WAC: variants seen among roughly 807,000 people sequenced by gnomAD.
WAC encodes the protein WW domain containing adaptor with coiled-coil.
A neutral mutation model predicts 79.6 loss-of-function variants in WAC; 11 were observed. The observed-to-expected ratio is 0.14, with a 90% CI of 0.09 to 0.23. The LOEUF (loss-of-function observed/expected upper bound fraction) is 0.23, where lower values mean the gene tolerates loss of function less well. Ranked by LOEUF, WAC falls within the 10% of genes least tolerant of loss-of-function variation. The pLI is 1.00. For synonymous variants in WAC, 304 were observed against 276.9 expected (o/e 1.10, Z -0.97); for missense variants, 728 against 773.5 (o/e 0.94, Z 0.70).
chr10:28,574,719 C>T (rs2132571628), intron 3 of WAC, among the ~76,000 whole-genome samples: 1 of 152,352 alleles, frequency 6.6e-6, no homozygotes, highest in Admixed American at 6.5e-5. Context: ...GCTAGGATTA[C>T]AGGTGTGAGC....
Position 28,567,578 on chromosome 10 carries a change from C to T in WAC, c.275-15821C>T, listed in dbSNP as rs374238614. ...GGATCCAGGCAAAGATGTAGGGTGG[C>T]GCAGGGCTCCCTTCTGACAATTCTC... On this transcript the variant is annotated intron_variant, in intron 3 of 13. Transcript: ENST00000354911. Among the ~76,000 whole-genome samples the T allele has an allele frequency of 3.9e-5, 6 of 152,140 alleles. No individual in the cohort carries two copies. The East Asian group carries it at 5.8e-4, about 15-fold the overall frequency.
intron 7 of WAC, among the ~76,000 whole-genome samples, chr10:28,598,213 C>T (rs1230695677): frequency 6.6e-6 from 1 of 152,140 alleles, no homozygotes. Flanking sequence ...TGATAAAGTC[C>T]ATGCTTAGAT....
intron 3 of WAC, among the ~76,000 whole-genome samples, chr10:28,579,133 ATC>A (rs2132601432): frequency 6.6e-6 from 1 of 150,912 alleles, no homozygotes; most frequent in South Asian, 2.1e-4. Context: ...AAACATTTTT[ATC>A]CCACTTACTC....
intron 6 of WAC, among the ~76,000 whole-genome samples, chr10:28,592,861 C>T (rs1397789684): frequency 6.6e-6 from 1 of 151,676 alleles, no homozygotes; most frequent in African/African-American, 2.4e-5. Flanking sequence ...TGTTTTTTAC[C>T]TGTTCTTTTA....
At chr10:28,598,420 C>A (rs1317341987) in intron 7 of WAC, among the ~76,000 whole-genome samples, 1 of 152,174 alleles carries the variant, frequency 6.6e-6, no homozygotes, top group Non-Finnish European at 1.5e-5. Flanking sequence ...ATCCAATACT[C>A]TTTTGTTACA....
intron 11 of WAC, 59 bp from the exon 12 acceptor site, chr10:28,616,114 G>T: frequency 7.3e-7 from 1 of 1,368,910 alleles, no homozygotes; most frequent in Non-Finnish European, 9.8e-7. Context: ...GCAGTTTCTA[G>T]GATAAGGATA....
chr10:28,568,444 G>A lies in WAC; in HGVS notation c.275-14955G>A, dbSNP rs111271328. Among the ~76,000 whole-genome samples, 536 of 152,134 alleles carry A rather than the reference G, an allele frequency of 3.5e-3. 4 individuals are homozygous for A. The highest frequency in any genetic ancestry group is 0.012 in the African/African-American group (498 of 41,478). The stretch of plus-strand genomic sequence containing the variant: ...CAGCCGGGCTGGTGTGCAGTGGCAC[G>A]GTCTTGGCTCGCTGCAACCTCCACC... On this transcript the variant is annotated intron_variant, in intron 3 of 13. Transcript: ENST00000354911.
At chr10:28,576,409 T>G (rs1839247375) in intron 3 of WAC, among the ~76,000 whole-genome samples, 1 of 152,206 alleles carries the variant, frequency 6.6e-6, no homozygotes, top group Non-Finnish European at 1.5e-5. Flanking sequence ...CAAAGGAATC[T>G]ACTTAATGTC....
At chr10:28,566,607 C>G (rs888223326) in intron 3 of WAC, among the ~76,000 whole-genome samples, 5 of 152,182 alleles carry the variant, frequency 3.3e-5, no homozygotes, top group South Asian at 2.1e-4. Flanking sequence ...TGCTTTTACT[C>G]ATGAATGACA....
chr10:28,568,037 C>G (rs1208294926), intron 3 of WAC, among the ~76,000 whole-genome samples: 3 of 152,222 alleles, frequency 2.0e-5, no homozygotes, highest in Non-Finnish European at 4.4e-5. Context: ...CTCGCCCGGC[C>G]TCAGTATGGA....
intron 3 of WAC, among the ~76,000 whole-genome samples, chr10:28,542,790 A>G (rs574986988): frequency 3.9e-5 from 6 of 152,364 alleles, no homozygotes; most frequent in Middle Eastern, 3.4e-3. Context: ...GAAAATACAC[A>G]TAAGTGGGAA....
intron 3 of WAC, among the ~76,000 whole-genome samples, chr10:28,554,820 C>T (rs1337811391): frequency 6.6e-6 from 1 of 152,148 alleles, no homozygotes; most frequent in Non-Finnish European, 1.5e-5. Context: ...AGAGTTCTGA[C>T]TTATCTTGGG....
rs546452821 is a variant in WAC, at chr10:28,604,936, T to C, written c.920-3250T>C. ...TCAGTGATAAAACTAAAACTACCTC[T>C]CAGAATAGCATTTTATGTTTGTATT... On this transcript the variant is annotated intron_variant, in intron 7 of 13. Coordinates refer to ENST00000354911, the MANE Select transcript of WAC (RefSeq NM_016628.5). Among the ~76,000 whole-genome samples, 7 of 152,314 alleles carry C rather than the reference T, an allele frequency of 4.6e-5. No homozygotes were observed. In the South Asian group the frequency reaches 1.4e-3, roughly 32 times the overall value.
chr10:28,618,486 AGT>A (rs1212466579), intron 13 of WAC, among the ~76,000 whole-genome samples: 6 of 152,180 alleles, frequency 3.9e-5, no homozygotes, highest in Non-Finnish European at 8.8e-5. Context: ...GTACTCTCTG[AGT>A]AACAACTTGG....
chr10:28,595,857 A>G lies in WAC; in HGVS notation c.735A>G (p.Pro245=). 6.2e-7 allele frequency: 1 copy of G among 1,614,170 alleles called. No homozygotes were observed. Among genetic ancestry groups the G allele is most frequent in the Non-Finnish European group, 8.5e-7 (1 of 1,180,004 alleles). ...CAGAGACTCACAGTAGTTCTACGCC[A>G]GTACAGCACCCCATCAAACCAGTGG... ...PRAETHSSST[P]VQHPIKPVVH... Residue 245 remains proline (P), a synonymous_variant, in exon 7 of 14, where the codon CCA becomes CCG. Transcript: ENST00000354911.
rs753093578 is a variant in WAC at position 28,617,679 on chromosome 10, C to T, written c.1769C>T (p.Ala590Val). The part of the protein sequence containing the change: ...EKQASRLREE[A>V]HNMGTIHMSE... ...CAGGCATCAAGATTACGCGAAGAAG[C>T]GCATAACATGGGAACTATTCACATG... is the stretch of plus-strand genomic sequence containing the variant. The change falls in exon 13 of 14, where the codon GCG becomes GTG. Residue 590 changes from alanine (A) to valine (V), a missense_variant. Around this residue, in one of 3 missense-constraint regions of WAC, gnomAD observed 66 missense variants for 78.9 expected, o/e 0.84. Coordinates refer to ENST00000354911, the MANE Select transcript of WAC (RefSeq NM_016628.5). 17 of 1,580,384 alleles carry T rather than the reference C, an allele frequency of 1.1e-5. No individual in the cohort carries two copies. Among genetic ancestry groups the T allele is most frequent in the African/African-American group, 5.5e-5 (4 of 73,328 alleles).
At chr10:28,535,789 A>G (rs1272196303) in intron 3 of WAC, 32 bp downstream of exon 3, 2 of 1,562,724 alleles carry the variant, frequency 1.3e-6, no homozygotes, top group Non-Finnish European at 1.7e-6. Flanking sequence ...ACTTTGACAT[A>G]CAGTTTTAAC....
intron 3 of WAC, among the ~76,000 whole-genome samples, chr10:28,563,036 A>G (rs1379390369): frequency 6.6e-6 from 1 of 152,198 alleles, no homozygotes; most frequent in African/African-American, 2.4e-5. Context: ...TTAGGTACAA[A>G]GAACTATATT....
chr10:28,573,075 T>C (rs1839061247), intron 3 of WAC, among the ~76,000 whole-genome samples: 2 of 151,996 alleles, frequency 1.3e-5, no homozygotes, highest in Admixed American at 6.6e-5. Context: ...GCTCTTAACA[T>C]GGTTAGACCA....
Sources: gnomAD v4.1 joint callset for allele counts (sites outside exome capture counted in the v4.1 genomes callset) on GRCh38, gnomAD v4.1.1 for gene constraint, gnomAD v4.1.1 regional missense constraint, MANE v1.5 for transcripts, NCBI Gene and HGNC (gene_info 2026-07-23, HGNC 2026-07-21) for gene names.